ARHGAP26: variants seen among roughly 807,000 people sequenced by gnomAD.
The protein encoded by ARHGAP26 is rho GTPase-activating protein 26.
ARHGAP26 carries 38 observed loss-of-function variants against 104.8 expected under a neutral mutation model. The ratio of observed to expected loss-of-function variants is 0.36; its 90% CI spans 0.28 to 0.48. ARHGAP26 has a LOEUF of 0.48. Among genes scored for constraint, ARHGAP26 ranks in the 20% least tolerant of loss-of-function variants. The pLI is 0.99. For synonymous variants in ARHGAP26, 341 were observed against 340.0 expected (o/e 1.00, Z -0.03); for missense variants, 704 against 947.9 (o/e 0.74, Z 3.38).
intron 20 of ARHGAP26, among the ~76,000 whole-genome samples, chr5:143,155,961 TTTTA>T (rs1800421810): frequency 2.0e-5 from 3 of 152,218 alleles, no homozygotes; most frequent in African/African-American, 7.2e-5. Flanking sequence ...TGACACTGTA[TTTTA>T]TTTGTGTAAG....
intron 20 of ARHGAP26, among the ~76,000 whole-genome samples, chr5:143,179,676 T>G (rs952040373): frequency 6.6e-6 from 1 of 152,260 alleles, no homozygotes; most frequent in Non-Finnish European, 1.5e-5. Flanking sequence ...CCTTTTCTTG[T>G]CTGAAGTAAT....
intron 20 of ARHGAP26, among the ~76,000 whole-genome samples, chr5:143,181,925 A>G (rs1804438077): frequency 6.6e-6 from 1 of 152,166 alleles, no homozygotes; most frequent in African/African-American, 2.4e-5. Context: ...GCCATTGTTT[A>G]CCTGACTTAA....
At chr5:143,037,783 A>C (rs914923443) in intron 13 of ARHGAP26, among the ~76,000 whole-genome samples, 1 of 152,222 alleles carries the variant, frequency 6.6e-6, no homozygotes, top group African/African-American at 2.4e-5. Flanking sequence ...AGTGAAGATA[A>C]AGATGTAATT....
At chr5:142,963,217 TGTGCGC>T (rs199648153) in intron 11 of ARHGAP26, among the ~76,000 whole-genome samples, 1,985 of 106,252 alleles carry the variant, frequency 0.019, 107 homozygotes, top group African/African-American at 0.054. Flanking sequence ...TGTGTGTGTG[TGTGCGC>T]GTGTGTGTGT....
At chr5:142,808,555 C>T (rs1291128175) in intron 1 of ARHGAP26, among the ~76,000 whole-genome samples, 1 of 151,780 alleles carries the variant, frequency 6.6e-6, no homozygotes, top group East Asian at 1.9e-4. Context: ...TACAGAATAA[C>T]TAAGTGGGGT....
intron 10 of ARHGAP26, among the ~76,000 whole-genome samples, chr5:142,929,736 G>A (rs969481442): frequency 6.6e-6 from 1 of 152,192 alleles, no homozygotes; most frequent in African/African-American, 2.4e-5. Context: ...GGCTTGGGGT[G>A]GAAATCTCAC....
intron 14 of ARHGAP26, among the ~76,000 whole-genome samples, chr5:143,048,260 G>A (rs1784497999): frequency 6.6e-6 from 1 of 151,774 alleles, no homozygotes; most frequent in African/African-American, 2.4e-5. Context: ...TGTTTTTGTT[G>A]TCTTATGACT....
intron 20 of ARHGAP26, chr5:143,202,453 A>C (rs1807904071): frequency 1.3e-5 from 2 of 152,210 alleles, no homozygotes; most frequent in African/African-American, 2.4e-5. Flanking sequence ...ATGTTCATGG[A>C]TAGGAAGAAT....
At chr5:143,124,784 G>A (rs1296829572) in intron 18 of ARHGAP26, among the ~76,000 whole-genome samples, 1 of 152,230 alleles carries the variant, frequency 6.6e-6, no homozygotes, top group East Asian at 1.9e-4. Context: ...GGGAGGAGCA[G>A]TGTGTGCACA....
chr5:142,943,839 A>G (rs1258297259), intron 11 of ARHGAP26, among the ~76,000 whole-genome samples: 2 of 152,194 alleles, frequency 1.3e-5, no homozygotes, highest in African/African-American at 4.8e-5. Flanking sequence ...AATTTTGATT[A>G]CATGTACTTC....
At chr5:142,772,923 T>A (rs1475697377) in intron 1 of ARHGAP26, 4 of 533,090 alleles carry the variant, frequency 7.5e-6, no homozygotes, top group Non-Finnish European at 1.5e-5. Flanking sequence ...GGAAGAAACA[T>A]TGCAGTGATA....
At chr5:143,002,510 G>A (rs949990546) in intron 11 of ARHGAP26, among the ~76,000 whole-genome samples, 2 of 152,122 alleles carry the variant, frequency 1.3e-5, no homozygotes. Context: ...TGACAGATGA[G>A]TGGGTTCACA....
At chr5:143,033,880 T>G (rs1230445324) in intron 12 of ARHGAP26, among the ~76,000 whole-genome samples, 1 of 152,234 alleles carries the variant, frequency 6.6e-6, no homozygotes, top group East Asian at 1.9e-4. Flanking sequence ...ATCGTAGTTA[T>G]AAACATTTTG....
intron 1 of ARHGAP26, among the ~76,000 whole-genome samples, chr5:142,858,213 C>T (rs527532483): frequency 6.6e-6 from 1 of 152,128 alleles, no homozygotes; most frequent in East Asian, 1.9e-4. Context: ...TTAATTGGCA[C>T]GGTTTGTCAC....
intron 1 of ARHGAP26, among the ~76,000 whole-genome samples, chr5:142,773,387 G>A (rs1755645952): frequency 6.6e-6 from 1 of 151,904 alleles, no homozygotes; most frequent in African/African-American, 2.4e-5. Flanking sequence ...AGTATTTCTA[G>A]CTCTTTGGAT....
At chr5:142,912,052 C>A (rs899177960) in intron 9 of ARHGAP26, among the ~76,000 whole-genome samples, 2 of 152,158 alleles carry the variant, frequency 1.3e-5, no homozygotes, top group Non-Finnish European at 2.9e-5. Flanking sequence ...CTAATTTCCC[C>A]TGTTAGTTTA....
chr5:143,144,266 A>AAATTTT (rs1798897819), intron 19 of ARHGAP26, among the ~76,000 whole-genome samples: 1 of 152,150 alleles, frequency 6.6e-6, no homozygotes, highest in Admixed American at 6.5e-5. Context: ...GGATTTGCTT[A>AAATTTT]ATTTTAATTT....
At chr5:143,099,593 C>T (rs1040450092) in intron 17 of ARHGAP26, among the ~76,000 whole-genome samples, 3 of 152,314 alleles carry the variant, frequency 2.0e-5, no homozygotes, top group East Asian at 3.9e-4. Context: ...AATTCATTTT[C>T]GCAGTGTCAC....
chr5:143,047,982 G>T (rs529576119), intron 14 of ARHGAP26, among the ~76,000 whole-genome samples: 12 of 152,132 alleles, frequency 7.9e-5, no homozygotes, highest in African/African-American at 2.7e-4. Context: ...GAGTAGCTGG[G>T]ATTATAGGTG....
Sources: gnomAD v4.1 joint callset for allele counts (sites outside exome capture counted in the v4.1 genomes callset) on GRCh38, gnomAD v4.1.1 for gene constraint, MANE v1.5 for transcripts, NCBI Gene and HGNC (gene_info 2026-07-23, HGNC 2026-07-21) for gene names.